The following MSI2 variants were observed in gnomAD, a reference collection of about 807,000 sequenced individuals.
The protein encoded by MSI2 is musashi RNA binding protein 2.
Under a neutral mutation model 45.6 loss-of-function variants are expected in MSI2, and 17 were observed. That is an observed-to-expected ratio of 0.37 (90% CI 0.26 to 0.56). MSI2 has a LOEUF of 0.56. MSI2 is among the 20% of genes least tolerant of loss of function. The probability of loss-of-function intolerance (pLI) is 0.77; values close to 1 mark genes in which losing one functional copy is unlikely to be tolerated. For synonymous variants in MSI2, 156 were observed against 158.2 expected, an observed-to-expected ratio of 0.99 and a Z score of 0.11; for missense variants, 293 against 444.2, an observed-to-expected ratio of 0.66 and a Z score of 3.06.
intron 6 of MSI2, among the ~76,000 whole-genome samples, chr17:57,452,102 C>T (rs1259844177): frequency 6.6e-6 from 1 of 152,228 alleles, no homozygotes; most frequent in East Asian, 1.9e-4. Flanking sequence ...CCTGTGACCA[C>T]ACCCTCATCC....
rs34823106 is a variant in MSI2, at chr17:57,682,323, C to CA, written c.*2806_*2807insA. On this transcript the variant is annotated 3_prime_UTR_variant, in exon 14 of 14. Coordinates refer to ENST00000284073, the MANE Select transcript of MSI2 (RefSeq NM_138962.4). ...CTCTACGGCGTTTTGTAGATCCCCC[C>CA]CCCCCCACCCACTGTGAAGGGGTGC... The CA allele has an allele frequency of 1.4e-4, 22 of 158,412 alleles. No individual in the cohort carries two copies. The highest frequency in any genetic ancestry group is 1.3e-4 in the East Asian group (1 of 7,916). The allele number at this position is 158,412 out of a possible 1,614,324, so 9.8% of individuals were successfully genotyped here.
At chr17:57,525,098 A>G (rs2086669505) in intron 6 of MSI2, among the ~76,000 whole-genome samples, 1 of 152,194 alleles carries the variant, frequency 6.6e-6, no homozygotes, top group South Asian at 2.1e-4. Flanking sequence ...GCAGCCATAG[A>G]AACTAACAGA....
intron 4 of MSI2, among the ~76,000 whole-genome samples, chr17:57,259,416 A>G (rs1907109910): frequency 6.6e-6 from 1 of 152,218 alleles, no homozygotes; most frequent in Non-Finnish European, 1.5e-5. Flanking sequence ...GACCAAGGTG[A>G]TCTTTCAAGC....
At chr17:57,539,172 T>G (rs1399564050) in intron 7 of MSI2, among the ~76,000 whole-genome samples, 1 of 140,902 alleles carries the variant, frequency 7.1e-6, no homozygotes, top group East Asian at 2.2e-4. Context: ...TATATACTCA[T>G]TTACTTTTTG....
At chr17:57,334,457 T>A (rs534917974) in intron 5 of MSI2, among the ~76,000 whole-genome samples, 2 of 152,190 alleles carry the variant, frequency 1.3e-5, no homozygotes, top group South Asian at 4.2e-4. Flanking sequence ...GCAGGGCAGC[T>A]GGGGAACGCC....
intron 5 of MSI2, among the ~76,000 whole-genome samples, chr17:57,376,909 G>A (rs1486887855): frequency 6.9e-6 from 1 of 144,456 alleles, no homozygotes; most frequent in Non-Finnish European, 1.5e-5. Flanking sequence ...GTGTCACGTT[G>A]ACCTGCAAGT....
intron 7 of MSI2, among the ~76,000 whole-genome samples, chr17:57,543,581 C>T (rs1274742151): frequency 6.6e-6 from 1 of 152,158 alleles, no homozygotes; most frequent in African/African-American, 2.4e-5. Flanking sequence ...CATCTTAAGT[C>T]TTCTTTTAAT....
intron 7 of MSI2, among the ~76,000 whole-genome samples, chr17:57,566,193 T>C (rs1455066222): frequency 6.6e-6 from 1 of 152,098 alleles, no homozygotes; most frequent in Non-Finnish European, 1.5e-5. Flanking sequence ...AAGGATTTGC[T>C]CCCATTCTCA....
At chr17:57,363,149 A>C (rs1916938787) in intron 5 of MSI2, among the ~76,000 whole-genome samples, 1 of 152,222 alleles carries the variant, frequency 6.6e-6, no homozygotes. Flanking sequence ...ACAAAATGTG[A>C]TAGACATATG....
intron 5 of MSI2, among the ~76,000 whole-genome samples, chr17:57,366,539 GT>G (rs1917208524): frequency 6.6e-6 from 1 of 152,240 alleles, no homozygotes; most frequent in Non-Finnish European, 1.5e-5. Flanking sequence ...AGAGGGCCAA[GT>G]TTACAACAGA....
chr17:57,491,340 CTT>C (rs912512124), intron 6 of MSI2, among the ~76,000 whole-genome samples: 2 of 152,166 alleles, frequency 1.3e-5, no homozygotes, highest in African/African-American at 4.8e-5. Flanking sequence ...GGTGTTAACT[CTT>C]AGAATACCCA....
At chr17:57,639,444 C>T (rs1328288267) in intron 10 of MSI2, among the ~76,000 whole-genome samples, 1 of 152,232 alleles carries the variant, frequency 6.6e-6, no homozygotes, top group Non-Finnish European at 1.5e-5. Context: ...GCCAGTGCCA[C>T]TCTTCTCAAA....
intron 5 of MSI2, among the ~76,000 whole-genome samples, chr17:57,294,399 C>T (rs991002657): frequency 5.9e-5 from 9 of 152,082 alleles, no homozygotes; most frequent in African/African-American, 2.2e-4. Context: ...CAAAAGCTGG[C>T]GTGGCACTGT....
At chr17:57,359,358 G>A (rs1916666474) in intron 5 of MSI2, among the ~76,000 whole-genome samples, 1 of 152,116 alleles carries the variant, frequency 6.6e-6, no homozygotes, top group South Asian at 2.1e-4. Flanking sequence ...GATAGAATAG[G>A]GTGATTGATA....
At chr17:57,616,513 G>A (rs978553114) in intron 9 of MSI2, 2 of 153,508 alleles carry the variant, frequency 1.3e-5, no homozygotes, top group African/African-American at 4.8e-5. Context: ...GGGAGAGGAG[G>A]GAAGTGGTAA....
At chr17:57,587,104 G>T (rs747996798) in intron 7 of MSI2, among the ~76,000 whole-genome samples, 21 of 152,120 alleles carry the variant, frequency 1.4e-4, no homozygotes, top group Non-Finnish European at 2.5e-4. Context: ...TTTTTGACAA[G>T]CCCTTCCCCC....
chr17:57,425,050 G>A (rs16958358), intron 6 of MSI2, among the ~76,000 whole-genome samples: 5,375 of 152,272 alleles, frequency 0.035, 112 homozygotes, highest in Middle Eastern at 0.088. Flanking sequence ...GAAGCACTTG[G>A]AATGGCCTGG....
intron 10 of MSI2, among the ~76,000 whole-genome samples, chr17:57,649,591 C>A (rs28451592): frequency 0.22 from 32,929 of 152,140 alleles, 3,680 homozygotes; most frequent in East Asian, 0.31. Flanking sequence ...ACACACACAC[C>A]CCTTGTATCT....
At chr17:57,435,004 C>T (rs570208580) in intron 6 of MSI2, among the ~76,000 whole-genome samples, 9 of 152,230 alleles carry the variant, frequency 5.9e-5, no homozygotes, top group African/African-American at 2.2e-4. Context: ...ACTCAGATGG[C>T]AAGCAAATAA....
Sources: allele counts gnomAD v4.1 joint callset (sites outside exome capture counted in the v4.1 genomes callset), GRCh38; gene constraint gnomAD v4.1.1; transcripts MANE v1.5; gene names NCBI Gene and HGNC (gene_info 2026-07-23, HGNC 2026-07-21).